Variants in RALGAPA1 observed in about 807,000 individuals in gnomAD.
RALGAPA1 encodes the protein Ral GTPase activating protein catalytic subunit alpha 1.
Under a neutral mutation model 269.6 loss-of-function variants are expected in RALGAPA1, and 52 were observed. The ratio of observed to expected loss-of-function variants is 0.19; its 90% CI spans 0.15 to 0.24. RALGAPA1 has a LOEUF of 0.24. Among genes scored for constraint, RALGAPA1 ranks in the 10% least tolerant of loss-of-function variants. The probability of loss-of-function intolerance (pLI) is 1.00; values close to 1 mark genes in which losing one functional copy is unlikely to be tolerated. For synonymous variants in RALGAPA1, 817 were observed against 1,008.3 expected (o/e 0.81, Z 3.60); for missense variants, 1,917 against 3,013.9 (o/e 0.64, Z 8.52).
chr14:35,626,457 TA>T (rs1278141216), intron 34 of RALGAPA1, among the ~76,000 whole-genome samples: 2 of 152,200 alleles, frequency 1.3e-5, no homozygotes, highest in Non-Finnish European at 2.9e-5. Flanking sequence ...AATAATGCTT[TA>T]CATTAGTGTA....
intron 30 of RALGAPA1, among the ~76,000 whole-genome samples, 184 bp downstream of exon 30, chr14:35,654,183 C>A (rs2140040010): frequency 6.6e-6 from 1 of 152,180 alleles, no homozygotes; most frequent in South Asian, 2.1e-4. Context: ...ACCAGGAATG[C>A]AATCTTCTAA....
chr14:35,734,691 T>C (rs867117618), intron 12 of RALGAPA1, among the ~76,000 whole-genome samples: 5 of 152,120 alleles, frequency 3.3e-5, no homozygotes, highest in Middle Eastern at 3.4e-3. Flanking sequence ...AAAACAAAGA[T>C]AAACAGCTGG....
intron 11 of RALGAPA1, among the ~76,000 whole-genome samples, chr14:35,740,193 C>T (rs898474657): frequency 2.0e-5 from 3 of 152,106 alleles, no homozygotes; most frequent in South Asian, 4.1e-4. Flanking sequence ...AGCAGTAACA[C>T]TGTTTTATAA....
chr14:35,797,351 C>CAAAAAAAAAAAAAAAAAAA (rs530576211), intron 1 of RALGAPA1, among the ~76,000 whole-genome samples: 27 of 60,072 alleles, frequency 4.5e-4, no homozygotes, highest in African/African-American at 1.1e-3. Flanking sequence ...GACTCCGTCT[C>CAAAAAAAAAAAAAAAAAAA]AAAAAAAAAA....
intron 13 of RALGAPA1, among the ~76,000 whole-genome samples, chr14:35,727,940 T>C (rs553068878): frequency 6.6e-6 from 1 of 152,304 alleles, no homozygotes; most frequent in African/African-American, 2.4e-5. Flanking sequence ...GAGGTTAGAC[T>C]TCAGACAGGA....
At position 35,538,587 on chromosome 14, in the gene RALGAPA1, C is replaced by T. The variant is rs1409234607; in HGVS notation, c.*1127G>A. On this transcript the variant is annotated 3_prime_UTR_variant, in exon 42 of 42. Coordinates refer to ENST00000680220, the MANE Select transcript of RALGAPA1 (RefSeq NM_001346249.2). ...GCTTATCTACTGTAAGAAAATACTT[C>T]TAGAGGGTGGAATGTATACCAACCT... is the stretch of plus-strand genomic sequence containing the variant. 6.6e-6 allele frequency: 1 copy of T among 152,524 alleles called. No individual in the cohort carries two copies. Among genetic ancestry groups the T allele is most frequent in the Non-Finnish European group, 1.5e-5 (1 of 68,020 alleles). The allele number at this position is 152,524 out of a possible 1,614,324, so 9.4% of individuals were successfully genotyped here.
At chr14:35,790,917 G>A (rs1489471607) in intron 1 of RALGAPA1, among the ~76,000 whole-genome samples, 4 of 152,154 alleles carry the variant, frequency 2.6e-5, no homozygotes, top group Non-Finnish European at 4.4e-5. Context: ...CAGTGAACAT[G>A]AGAAGTTAAA....
intron 26 of RALGAPA1, among the ~76,000 whole-genome samples, chr14:35,665,070 T>C (rs1200991780): frequency 6.6e-6 from 1 of 152,152 alleles, no homozygotes; most frequent in Non-Finnish European, 1.5e-5. Flanking sequence ...AGTAAAAATA[T>C]AAATAATTTT....
Position 35,600,209 on chromosome 14 carries a change from CT to C in RALGAPA1, c.7054-4421del, listed in dbSNP as rs1267667649. Among the ~76,000 whole-genome samples the C allele has an allele frequency of 2.1e-3, 289 of 134,922 alleles. 1 individual carries two copies. The highest frequency in any genetic ancestry group is 7.9e-3 in the African/African-American group (263 of 33,186). The allele number at this position is 134,922 out of a possible 152,430, so 88.5% of individuals were successfully genotyped here. A position where few individuals can be genotyped will look rare whatever the true frequency, so the allele number is the denominator to read the frequency against. ...TTATTTTTAGGTTTCTTTTCTTTTC[CT>C]TTTTTTTCTTTTTCTTTTTTTCTTT... On this transcript the variant is annotated intron_variant, in intron 36 of 41. Coordinates refer to ENST00000680220, the MANE Select transcript of RALGAPA1 (RefSeq NM_001346249.2).
intron 37 of RALGAPA1, among the ~76,000 whole-genome samples, chr14:35,592,500 T>C (rs2058696798): frequency 6.6e-6 from 1 of 152,174 alleles, no homozygotes; most frequent in Admixed American, 6.6e-5. Context: ...AAACATTTTA[T>C]AAAGCCAGCA....
chr14:35,582,993 T>C (rs1342528761), intron 37 of RALGAPA1, among the ~76,000 whole-genome samples: 1 of 152,236 alleles, frequency 6.6e-6, no homozygotes, highest in Non-Finnish European at 1.5e-5. Flanking sequence ...CTTACCACCA[T>C]ACCACTAAAG....
chr14:35,727,627 A>G (rs903393698), intron 13 of RALGAPA1, among the ~76,000 whole-genome samples: 8 of 152,152 alleles, frequency 5.3e-5, no homozygotes, highest in Admixed American at 5.2e-4. Context: ...TATAAAAATA[A>G]GAAAACCAGT....
chr14:35,586,656 T>A (rs1001266136), intron 37 of RALGAPA1, among the ~76,000 whole-genome samples: 5 of 152,232 alleles, frequency 3.3e-5, no homozygotes, highest in Admixed American at 1.3e-4. Flanking sequence ...GTTTTTAGCA[T>A]GAAGAGCTGT....
chr14:35,776,506 T>G (rs1458303737), intron 1 of RALGAPA1, among the ~76,000 whole-genome samples: 1 of 152,184 alleles, frequency 6.6e-6, no homozygotes, highest in Non-Finnish European at 1.5e-5. Flanking sequence ...CAGACAGTAC[T>G]GCTCTAAAGA....
At chr14:35,710,402 T>C (rs1020418382) in intron 16 of RALGAPA1, among the ~76,000 whole-genome samples, 1 of 152,150 alleles carries the variant, frequency 6.6e-6, no homozygotes, top group Non-Finnish European at 1.5e-5. Flanking sequence ...ACAACGGGCA[T>C]GTGCCAACAA....
chr14:35,549,637 C>G (rs969085761), intron 39 of RALGAPA1, among the ~76,000 whole-genome samples: 1 of 152,108 alleles, frequency 6.6e-6, no homozygotes, highest in African/African-American at 2.4e-5. Context: ...TCAAAAGCCA[C>G]GCAAGAAACA....
At chr14:35,605,461 A>G (rs1336681513) in intron 36 of RALGAPA1, 125 bp downstream of exon 36, 2 of 1,005,048 alleles carry the variant, frequency 2.0e-6, no homozygotes, top group South Asian at 1.9e-5. Flanking sequence ...GGCAGAAACA[A>G]TAACAAACTA....
chr14:35,685,136 T>C lies in RALGAPA1; in HGVS notation c.4087A>G (p.Arg1363Gly). ...AGGCTGCCTGGACTACTTCCTCTTCTTGTCATAGTCTAAACGTTCAAGAAA... is the reference window on the plus strand; with the variant it reads ...AGGCTGCCTGGACTACTTCCTCTTCCTGTCATAGTCTAAACGTTCAAGAAA... ...LRSGNASTMTRRGSSPGSLEI... is the reference protein window; with the variant it reads ...LRSGNASTMTGRGSSPGSLEI... Residue 1363 changes from arginine (R) to glycine (G), a missense_variant, in exon 20 of 42, where the codon AGA (arginine) becomes GGA (glycine). By Grantham distance (125) the Arg-to-Gly change is moderately radical. Transcript: ENST00000680220. 1 of 1,562,358 alleles carries C rather than the reference T, an allele frequency of 6.4e-7. No homozygotes were observed.
At chr14:35,629,159 T>A (rs961088818) in intron 33 of RALGAPA1, among the ~76,000 whole-genome samples, 10 of 152,128 alleles carry the variant, frequency 6.6e-5, no homozygotes, top group African/African-American at 2.4e-4. Flanking sequence ...AGTTTGGGAT[T>A]GAGTGGTGTC....
Sources: allele counts gnomAD v4.1 joint callset (sites outside exome capture counted in the v4.1 genomes callset), GRCh38; gene constraint gnomAD v4.1.1; transcripts MANE v1.5; gene names NCBI Gene and HGNC (gene_info 2026-07-23, HGNC 2026-07-21).